Variants in IQGAP2 observed in about 807,000 individuals in gnomAD.
IQGAP2 encodes IQ motif containing GTPase activating protein 2.
In IQGAP2, 173 loss-of-function variants were observed where a neutral mutation model predicts 201.3. The observed-to-expected ratio is 0.86, with a 90% CI of 0.76 to 0.98. The LOEUF (loss-of-function observed/expected upper bound fraction) is 0.98, where lower values mean the gene tolerates loss of function less well. Ranked by LOEUF, IQGAP2 falls within the 50% of genes least tolerant of loss-of-function variation. IQGAP2 has a pLI of 0.00. For synonymous variants in IQGAP2, 675 were observed against 673.9 expected (o/e 1.00, Z -0.03); for missense variants, 1,687 against 1,864.8 (o/e 0.90, Z 1.76).
intron 1 of IQGAP2, among the ~76,000 whole-genome samples, chr5:76,431,733 A>G (rs1186642978): frequency 6.6e-6 from 1 of 151,924 alleles, no homozygotes; most frequent in Admixed American, 6.6e-5. Flanking sequence ...TGAAGCAGAA[A>G]AATTGCTTGA....
chr5:76,648,013 G>T (rs1752204674), intron 17 of IQGAP2, among the ~76,000 whole-genome samples: 1 of 152,100 alleles, frequency 6.6e-6, no homozygotes, highest in Non-Finnish European at 1.5e-5. Context: ...TGCTAGAGTG[G>T]TGTGAGAGGA....
chr5:76,694,134 A>G (rs956151735), intron 31 of IQGAP2, among the ~76,000 whole-genome samples: 1 of 152,172 alleles, frequency 6.6e-6, no homozygotes, highest in Non-Finnish European at 1.5e-5. Context: ...ATAGTTTTTA[A>G]TTTAAAAAAT....
chr5:76,662,329 A>C (rs1285984788), intron 21 of IQGAP2, among the ~76,000 whole-genome samples: 1 of 151,892 alleles, frequency 6.6e-6, no homozygotes, highest in African/African-American at 2.4e-5. Context: ...TCCTCTCATT[A>C]TCCTGCCTTC....
intron 2 of IQGAP2, among the ~76,000 whole-genome samples, chr5:76,534,319 C>T (rs1759498380): frequency 6.6e-6 from 1 of 152,180 alleles, no homozygotes; most frequent in Admixed American, 6.5e-5. Flanking sequence ...GATGACTTCT[C>T]AGTCTAGAAG....
chr5:76,436,932 T>A (rs1390274637), intron 1 of IQGAP2, among the ~76,000 whole-genome samples: 1 of 152,036 alleles, frequency 6.6e-6, no homozygotes, highest in Non-Finnish European at 1.5e-5. Flanking sequence ...TACAAATGTA[T>A]ACATACATTT....
intron 30 of IQGAP2, among the ~76,000 whole-genome samples, chr5:76,692,609 A>G (rs6884442): frequency 5.9e-5 from 9 of 152,260 alleles, no homozygotes; most frequent in African/African-American, 2.2e-4. Context: ...ATTGCCATAA[A>G]GAACACCTAT....
chr5:76,643,522 A>G (rs460617), intron 17 of IQGAP2, among the ~76,000 whole-genome samples: 94,415 of 151,996 alleles, frequency 0.62, 29,463 homozygotes, highest in South Asian at 0.78. Flanking sequence ...TAGAAATGGT[A>G]AGATGATAGA....
intron 2 of IQGAP2, among the ~76,000 whole-genome samples, chr5:76,478,408 A>T (rs544313066): frequency 2.6e-5 from 4 of 152,202 alleles, no homozygotes; most frequent in Non-Finnish European, 4.4e-5. Context: ...CAAGAAAAAA[A>T]ATAATTTAGC....
chr5:76,469,456 A>G (rs1188677526), intron 2 of IQGAP2, among the ~76,000 whole-genome samples: 1 of 151,550 alleles, frequency 6.6e-6, no homozygotes, highest in Non-Finnish European at 1.5e-5. Context: ...AATGCAGTGC[A>G]GTGGTGCGAT....
At chr5:76,683,064 C>A in intron 28 of IQGAP2, 51 bp from the exon 29 acceptor site, 2 of 1,067,296 alleles carry the variant, frequency 1.9e-6, no homozygotes, top group South Asian at 2.8e-5. Flanking sequence ...AAATATGGTA[C>A]AGTTGAGAAT....
At chr5:76,615,639 A>C (rs1047529) in intron 13 of IQGAP2, 56,836 of 152,020 alleles carry the variant, frequency 0.37, 12,207 homozygotes, top group Non-Finnish European at 0.5. Flanking sequence ...CTTTACCACT[A>C]ATATCTTCCC....
chr5:76,502,539 A>G (rs983760491), intron 2 of IQGAP2, among the ~76,000 whole-genome samples: 1 of 152,216 alleles, frequency 6.6e-6, no homozygotes, highest in Non-Finnish European at 1.5e-5. Context: ...CACTTTGTGT[A>G]TGTTTGAATT....
chr5:76,414,790 C>A (rs1751324595), intron 1 of IQGAP2, among the ~76,000 whole-genome samples: 1 of 152,244 alleles, frequency 6.6e-6, no homozygotes, highest in Non-Finnish European at 1.5e-5. Flanking sequence ...GTTCTCCAGT[C>A]TAATCTTTGC....
intron 2 of IQGAP2, among the ~76,000 whole-genome samples, chr5:76,469,463 C>T (rs1033828052): frequency 1.3e-5 from 2 of 151,384 alleles, no homozygotes; most frequent in African/African-American, 2.4e-5. Flanking sequence ...TGCAGTGGTG[C>T]GATCTCGGCT....
intron 1 of IQGAP2, among the ~76,000 whole-genome samples, chr5:76,418,177 A>T (rs1369363076): frequency 6.9e-6 from 1 of 145,296 alleles, no homozygotes; most frequent in African/African-American, 2.5e-5. Flanking sequence ...ATTGCATCCC[A>T]GCCTGGGTGA....
At chr5:76,694,235 C>T (rs1417374051) in intron 31 of IQGAP2, among the ~76,000 whole-genome samples, 1 of 131,256 alleles carries the variant, frequency 7.6e-6, no homozygotes, top group Non-Finnish European at 1.7e-5. Flanking sequence ...GAGTTCAACA[C>T]CAGCCTGGAC....
At chr5:76,444,340 C>G (rs1753241738) in intron 1 of IQGAP2, among the ~76,000 whole-genome samples, 1 of 152,238 alleles carries the variant, frequency 6.6e-6, no homozygotes, top group East Asian at 1.9e-4. Context: ...CTCTCGTCAC[C>G]CAGGCTGGAG....
chr5:76,460,939 G>C (rs1211010101), intron 1 of IQGAP2, among the ~76,000 whole-genome samples: 1 of 146,020 alleles, frequency 6.8e-6, no homozygotes, highest in Non-Finnish European at 1.5e-5. Context: ...GCACAATCTT[G>C]GCTCACTGCA....
At chr5:76,496,369 G>C (rs1049984506) in intron 2 of IQGAP2, among the ~76,000 whole-genome samples, 10 of 152,182 alleles carry the variant, frequency 6.6e-5, no homozygotes, top group Admixed American at 6.5e-4. Flanking sequence ...CAGCAACACT[G>C]TATTTCCTGG....
Sources: gnomAD v4.1 joint callset for allele counts (sites outside exome capture counted in the v4.1 genomes callset) on GRCh38, gnomAD v4.1.1 for gene constraint, MANE v1.5 for transcripts, NCBI Gene and HGNC (gene_info 2026-07-23, HGNC 2026-07-21) for gene names.